ADAP1: variants seen among roughly 807,000 people sequenced by gnomAD.
The protein encoded by ADAP1 is arf-GAP with dual PH domain-containing protein 1.
In ADAP1, 31 loss-of-function variants were observed where a neutral mutation model predicts 54.9. The ratio of observed to expected loss-of-function variants is 0.56; its 90% CI spans 0.42 to 0.76. ADAP1 has a LOEUF of 0.76. Among genes scored for constraint, ADAP1 ranks in the 30% least tolerant of loss-of-function variants. The probability of loss-of-function intolerance (pLI) is 0.00; values close to 1 mark genes in which losing one functional copy is unlikely to be tolerated. For missense variants in ADAP1, 535 were observed against 512.4 expected, an observed-to-expected ratio of 1.04 and a Z score of -0.42; for synonymous variants, 313 against 202.6, an observed-to-expected ratio of 1.55 and a Z score of -4.63.
rs769756910 is a variant in ADAP1 at position 904,218 on chromosome 7, G to C, written c.556C>G (p.Pro186Ala). Residue 186 changes from proline to alanine, a missense_variant, in exon 6 of 11, where the codon CCG becomes GCG. Physicochemically the swap from Pro to Ala is conservative, Grantham distance 27 (BLOSUM62 -1). Coordinates refer to ENST00000265846, the MANE Select transcript of ADAP1 (RefSeq NM_006869.4). ...KIEHLNATFQ[P>A]AKIGHPHGLQ... Reference sequence around the variant, plus strand: ...CCGTGGGGGTGGCCGATCTTGGCCGGCTGGAAGGTGGCGTTCAGGTGCTCG... The same window carrying C: ...CCGTGGGGGTGGCCGATCTTGGCCGCCTGGAAGGTGGCGTTCAGGTGCTCG... The C allele has an allele frequency of 2.5e-6, 4 of 1,610,674 alleles. No homozygotes were observed. In the South Asian group the frequency reaches 3.3e-5, roughly 13 times the overall value.
chr7:908,184 C>T (rs1845559862), intron 4 of ADAP1, among the ~76,000 whole-genome samples: 3 of 152,288 alleles, frequency 2.0e-5, no homozygotes, highest in Admixed American at 2.0e-4. Context: ...AAACAGCCCC[C>T]TGCAGCAGCC....
intron 4 of ADAP1, among the ~76,000 whole-genome samples, chr7:911,290 G>A (rs1441472081): frequency 2.0e-5 from 3 of 152,250 alleles, no homozygotes; most frequent in East Asian, 1.9e-4. Context: ...GCCCCCGACA[G>A]GCCTGGAGAG....
intron 2 of ADAP1, among the ~76,000 whole-genome samples, chr7:930,174 C>T (rs983461196): frequency 6.9e-6 from 1 of 144,760 alleles, no homozygotes; most frequent in African/African-American, 2.6e-5. Flanking sequence ...GACCCTAAAA[C>T]CACAAAATAA....
rs1180294864 is a variant in ADAP1, at chr7:905,298, C to CGGGGG, written c.389-127_389-126insCCCCC. On this transcript the variant is annotated intron_variant, in intron 4 of 10. Transcript: ENST00000265846. Reference sequence around the variant, plus strand: ...GGGGGACACGGACGGGGGACACGGACAGGGGGAGACGGACGGGGAGAGGGG... The same window carrying CGGGGG: ...GGGGGACACGGACGGGGGACACGGACGGGGGAGGGGGAGACGGACGGGGAGAGGGG... 8.8e-5 allele frequency: 23 copies of CGGGGG among 260,680 alleles called. 2 individuals are homozygous for CGGGGG. The highest frequency in any genetic ancestry group is 5.3e-4 in the South Asian group (15 of 28,158). The allele number at this position is 260,680 out of a possible 1,614,324, so 16.1% of individuals were successfully genotyped here.
At chr7:948,885 T>C (rs1293139454) in intron 1 of ADAP1, among the ~76,000 whole-genome samples, 3 of 152,120 alleles carry the variant, frequency 2.0e-5, no homozygotes, top group Non-Finnish European at 2.9e-5. Flanking sequence ...TTAGTAGAGA[T>C]GGGGTTTCAC....
chr7:948,304 C>T (rs1480765901), intron 1 of ADAP1, among the ~76,000 whole-genome samples: 3 of 152,046 alleles, frequency 2.0e-5, no homozygotes, highest in East Asian at 1.9e-4. Flanking sequence ...TCATTCAGTA[C>T]GGAGCCCACC....
chr7:908,200 G>T (rs1011113432), intron 4 of ADAP1, among the ~76,000 whole-genome samples: 3 of 152,288 alleles, frequency 2.0e-5, no homozygotes, highest in Admixed American at 1.3e-4. Flanking sequence ...CAGCCAACAG[G>T]CCAGACAGAG....
At position 898,536 on chromosome 7, in the gene ADAP1, G is replaced by A. The variant is rs535696157; in HGVS notation, c.*385C>T. 139 of 311,484 alleles carry A rather than the reference G, an allele frequency of 4.5e-4. No homozygotes were observed. Among genetic ancestry groups the A allele is most frequent in the African/African-American group, 2.5e-3 (115 of 46,890 alleles). The allele number at this position is 311,484 out of a possible 1,614,324, so 19.3% of individuals were successfully genotyped here. A position where few individuals can be genotyped will look rare whatever the true frequency, so the allele number is the denominator to read the frequency against. ...CCCCAGCGGCCGGCAGCTGCCCACC[G>A]TGCTGGCCCCAAGCAGGGCTCTGCG... On this transcript the variant is annotated 3_prime_UTR_variant, in exon 11 of 11. Transcript: ENST00000265846.
intron 2 of ADAP1, among the ~76,000 whole-genome samples, chr7:928,114 G>A (rs920155841): frequency 1.3e-5 from 2 of 151,940 alleles, no homozygotes; most frequent in African/African-American, 4.8e-5. Flanking sequence ...CAGCTACTAG[G>A]GAGGCCGAGG....
intron 2 of ADAP1, among the ~76,000 whole-genome samples, chr7:932,446 C>A (rs925269256): frequency 1.3e-5 from 2 of 152,176 alleles, no homozygotes; most frequent in Non-Finnish European, 2.9e-5. Flanking sequence ...CGTCTTCTCC[C>A]CGAGCCAAGG....
chr7:921,524 G>C (rs1846191198), intron 3 of ADAP1, among the ~76,000 whole-genome samples: 1 of 152,192 alleles, frequency 6.6e-6, no homozygotes, highest in Non-Finnish European at 1.5e-5. Context: ...TCACTCTGTT[G>C]CCCAGGCTGG....
chr7:926,993 T>C lies in ADAP1; in HGVS notation c.214-349A>G. On this transcript the variant is annotated intron_variant, in intron 2 of 10. Coordinates refer to ENST00000265846, the MANE Select transcript of ADAP1 (RefSeq NM_006869.4). This position sits in a 1 kb window ranked among gnomAD's most constrained non-coding sequence, Gnocchi z 4.6. ...CCGTGGGAGAGAGCTGGCTGCATCCTGTGACCCCCATCTCTGCCCCAGAGA... is the reference window on the plus strand; with the variant it reads ...CCGTGGGAGAGAGCTGGCTGCATCCCGTGACCCCCATCTCTGCCCCAGAGA... 1 of 1,260,588 alleles carries C rather than the reference T, an allele frequency of 7.9e-7. No individual in the cohort carries two copies. Among genetic ancestry groups the C allele is most frequent in the African/African-American group, 1.6e-5 (1 of 64,358 alleles). The allele number at this position is 1,260,588 out of a possible 1,614,324, so 78.1% of individuals were successfully genotyped here. A position where few individuals can be genotyped will look rare whatever the true frequency, so the allele number is the denominator to read the frequency against.
intron 6 of ADAP1, among the ~76,000 whole-genome samples, chr7:903,411 T>G (rs979305982): frequency 2.2e-4 from 34 of 152,142 alleles, no homozygotes; most frequent in Non-Finnish European, 7.4e-5. Context: ...TTTTTGGATA[T>G]GGGGACCAAT....
chr7:920,714 G>A lies in ADAP1; in HGVS notation c.306-664C>T, dbSNP rs1414022596. On this transcript the variant is annotated intron_variant, in intron 3 of 10. Transcript: ENST00000265846. The surrounding 1 kb of genome is among the most constrained non-coding windows in gnomAD (Gnocchi z 4.5). ...AAAGCCCGGGACGAGGGCCCCCCAC[G>A]GCACCCACTGAGCCCAGACATCCCT... 1.1e-5 allele frequency: 15 copies of A among 1,335,672 alleles called. No homozygotes were observed. The highest frequency in any genetic ancestry group is 2.3e-5 in the Admixed American group (1 of 43,960). 82.7% of individuals were successfully genotyped at this position (1,335,672 alleles called of 1,614,324 possible).
chr7:932,797 C>T lies in ADAP1; in HGVS notation c.213+2578G>A, dbSNP rs1252414778. ...TCGAAGGCGGTGAGCCCAAGGTGGG[C>T]CGGGGTCCTGAGGGGATTCGCAGGG... On this transcript the variant is annotated intron_variant, in intron 2 of 10. Transcript: ENST00000265846. Among the ~76,000 whole-genome samples the T allele has an allele frequency of 2.0e-5, 3 of 152,298 alleles. No homozygotes were observed. The East Asian group carries it at 5.8e-4, about 29-fold the overall frequency.
Position 906,607 on chromosome 7 carries a change from G to GGGAAAGGAGAAAGGAGAAAGGAGAAA in ADAP1, c.389-1436_389-1435insTTTCTCCTTTCTCCTTTCTCCTTTCC, listed in dbSNP as rs1270910985. Among the ~76,000 whole-genome samples the GGGAAAGGAGAAAGGAGAAAGGAGAAA allele has an allele frequency of 2.6e-4, 2 of 7,770 alleles. 1 individual carries two copies. The highest frequency in any genetic ancestry group is 4.4e-4 in the Non-Finnish European group (2 of 4,584). The allele number at this position is 7,770 out of a possible 152,430, so 5.1% of individuals were successfully genotyped here. On this transcript the variant is annotated intron_variant, in intron 4 of 10. Coordinates refer to ENST00000265846, the MANE Select transcript of ADAP1 (RefSeq NM_006869.4). ...GAAAGGAGAAAGGAGAAGGGAGAAAGGGAGAAAGGGAAAGGAGAAAGGAGA... is the reference window on the plus strand; with the variant it reads ...GAAAGGAGAAAGGAGAAGGGAGAAAGGGAAAGGAGAAAGGAGAAAGGAGAAAGGAGAAAGGGAAAGGAGAAAGGAGA...
chr7:909,691 G>A (rs181309232), intron 4 of ADAP1, among the ~76,000 whole-genome samples: 107 of 152,360 alleles, frequency 7.0e-4, no homozygotes, highest in East Asian at 6.4e-3. Flanking sequence ...CCCCTCACAC[G>A]GCAGCGTCCT....
chr7:899,991 C>G (rs1844707622), intron 8 of ADAP1, 111 bp downstream of exon 8: 1 of 1,317,204 alleles, frequency 7.6e-7, no homozygotes, highest in South Asian at 1.3e-5. Flanking sequence ...GAGGACCCAC[C>G]AGACACCAGT....
chr7:905,273 G>T (rs528750698), intron 4 of ADAP1, 101 bp from the exon 5 acceptor site: 2 of 510,328 alleles, frequency 3.9e-6, no homozygotes, highest in Non-Finnish European at 6.4e-6. Flanking sequence ...GAGAAGACAC[G>T]GGGGACACGG....
Sources: gnomAD v4.1 joint callset for allele counts (sites outside exome capture counted in the v4.1 genomes callset) on GRCh38, gnomAD v4.1.1 for gene constraint, Gnocchi (gnomAD v3.1) non-coding constraint, MANE v1.5 for transcripts, NCBI Gene and HGNC (gene_info 2026-07-23, HGNC 2026-07-21) for gene names.